The following PTPRG variants were observed in gnomAD, a reference collection of about 807,000 sequenced individuals.
The protein encoded by PTPRG is protein tyrosine phosphatase receptor type G.
Under a neutral mutation model 165.3 loss-of-function variants are expected in PTPRG, and 102 were observed. The ratio of observed to expected loss-of-function variants is 0.62; its 90% CI spans 0.53 to 0.73. The LOEUF (loss-of-function observed/expected upper bound fraction) is 0.73, where lower values mean the gene tolerates loss of function less well. PTPRG is among the 30% of genes least tolerant of loss of function. The pLI, the probability that PTPRG is intolerant of heterozygous loss-of-function variation, is 0.00. For synonymous variants in PTPRG, 675 were observed against 669.5 expected, an observed-to-expected ratio of 1.01 and a Z score of -0.13; for missense variants, 1,866 against 1,861.4, an observed-to-expected ratio of 1.00 and a Z score of -0.05.
At chr3:61,562,395 A>T in intron 1 of PTPRG, 23 bp downstream of exon 1, 4 of 1,609,506 alleles carry the variant, frequency 2.5e-6, no homozygotes, top group Non-Finnish European at 3.4e-6. Context: ...CGCCGAGGGG[A>T]TGCGGCCCCG....
chr3:61,759,511 C>T (rs974208482), intron 2 of PTPRG, among the ~76,000 whole-genome samples: 6 of 151,846 alleles, frequency 4.0e-5, no homozygotes, highest in Non-Finnish European at 7.4e-5. Flanking sequence ...AAAAAATTAG[C>T]TGGGCATGGT....
chr3:62,052,785 C>T (rs1211167802), intron 4 of PTPRG, among the ~76,000 whole-genome samples: 1 of 152,080 alleles, frequency 6.6e-6, no homozygotes, highest in Non-Finnish European at 1.5e-5. Flanking sequence ...TTCCTTGTTA[C>T]TTGACTTTAA....
intron 1 of PTPRG, among the ~76,000 whole-genome samples, chr3:61,583,134 T>G (rs2106801890): frequency 6.6e-6 from 1 of 152,322 alleles, no homozygotes; most frequent in South Asian, 2.1e-4. Context: ...CCTTGTATCT[T>G]AGGTGCTTCC....
intron 5 of PTPRG, among the ~76,000 whole-genome samples, chr3:62,107,047 G>T (rs1462693319): frequency 1.3e-5 from 2 of 152,184 alleles, no homozygotes; most frequent in Non-Finnish European, 2.9e-5. Flanking sequence ...TTTTGAACCA[G>T]GATCTCTCTC....
intron 1 of PTPRG, among the ~76,000 whole-genome samples, chr3:61,717,466 AAGG>A (rs1407500909): frequency 5.3e-5 from 8 of 152,194 alleles, no homozygotes; most frequent in African/African-American, 1.9e-4. Context: ...TTTTTACTTG[AAGG>A]AGAACTAGTA....
In PTPRG at chr3:62,205,638, A is replaced by G. The variant is rs189736103; in HGVS notation, c.2155+1688A>G. Among the ~76,000 whole-genome samples the G allele has an allele frequency of 2.7e-3, 412 of 152,282 alleles. 1 individual carries two copies. The highest frequency in any genetic ancestry group is 9.6e-3 in the African/African-American group (398 of 41,560). ...AGGGAGGGGAATTCTGGGCTGCAGG[A>G]ACAGCAGGTCCAGAGACCCTACAGT... is the stretch of plus-strand genomic sequence containing the variant. On this transcript the variant is annotated intron_variant, in intron 12 of 29. Transcript: ENST00000474889.
chr3:62,226,957 A>G (rs964255527), intron 13 of PTPRG, among the ~76,000 whole-genome samples: 2 of 152,202 alleles, frequency 1.3e-5, no homozygotes, highest in African/African-American at 2.4e-5. Flanking sequence ...TTTTGTTGAC[A>G]TTGCAATTTT....
intron 2 of PTPRG, among the ~76,000 whole-genome samples, chr3:61,791,606 GCCTC>G (rs2034874475): frequency 6.6e-6 from 1 of 152,182 alleles, no homozygotes; most frequent in Non-Finnish European, 1.5e-5. Flanking sequence ...TCCTGCCTCA[GCCTC>G]CTGAGTAGCT....
chr3:62,223,464 G>A (rs772089577), intron 13 of PTPRG, among the ~76,000 whole-genome samples: 3 of 152,138 alleles, frequency 2.0e-5, no homozygotes, highest in Non-Finnish European at 2.9e-5. Context: ...TTGTGCATTC[G>A]TGGTATTAAA....
At position 62,191,455 on chromosome 3, in the gene PTPRG, C is replaced by G. The variant is rs772867538; in HGVS notation, c.1034-14C>G. 124 of 1,612,124 alleles carry G rather than the reference C, an allele frequency of 7.7e-5. No individual in the cohort carries two copies. Among genetic ancestry groups the G allele is most frequent in the Non-Finnish European group, 9.8e-5 (115 of 1,179,396 alleles). On this transcript the variant is annotated splice_polypyrimidine_tract_variant and intron_variant, in intron 8 of 29. Coordinates refer to ENST00000474889, the MANE Select transcript of PTPRG (RefSeq NM_002841.4). ...TTCTGAAAGCTCCCTGAGCTGAGCC[C>G]TGTGTATCTTCAGTTTGCAGCTCTC...
At chr3:61,761,832 G>C (rs1390578443) in intron 2 of PTPRG, among the ~76,000 whole-genome samples, 1 of 152,158 alleles carries the variant, frequency 6.6e-6, no homozygotes, top group Non-Finnish European at 1.5e-5. Flanking sequence ...TGCTCCCAAA[G>C]GCATCATTTA....
intron 2 of PTPRG, among the ~76,000 whole-genome samples, chr3:61,851,759 A>G (rs1396453021): frequency 6.6e-6 from 1 of 152,178 alleles, no homozygotes; most frequent in Non-Finnish European, 1.5e-5. Context: ...TGAGAGAGAC[A>G]TATTCTGATT....
At chr3:62,187,980 G>C (rs1170020560) in intron 8 of PTPRG, among the ~76,000 whole-genome samples, 1 of 152,148 alleles carries the variant, frequency 6.6e-6, no homozygotes, top group African/African-American at 2.4e-5. Context: ...TTAATACATT[G>C]AGACAGTGAG....
intron 2 of PTPRG, among the ~76,000 whole-genome samples, chr3:61,841,026 C>T (rs2036616735): frequency 6.6e-6 from 1 of 152,144 alleles, no homozygotes; most frequent in Non-Finnish European, 1.5e-5. Context: ...AAGTGATCCA[C>T]TGGCCTTGGC....
intron 2 of PTPRG, among the ~76,000 whole-genome samples, chr3:61,935,124 C>T (rs1331519293): frequency 6.6e-6 from 1 of 152,120 alleles, no homozygotes; most frequent in African/African-American, 2.4e-5. Context: ...CCCCCATCTC[C>T]GCCTCTCCCT....
chr3:61,563,146 GTTTCGGCGGCCGGGGCGGT>G (rs1699808695), intron 1 of PTPRG, among the ~76,000 whole-genome samples: 1 of 15,886 alleles, frequency 6.3e-5, no homozygotes, highest in African/African-American at 1.3e-4. Context: ...GGCGGGGGCG[GTTTCGGCGGCCGGGGCGGT>G]TTCGGCGGCC....
At chr3:62,012,659 G>A (rs971594734) in intron 4 of PTPRG, among the ~76,000 whole-genome samples, 6 of 152,024 alleles carry the variant, frequency 3.9e-5, no homozygotes, top group Non-Finnish European at 7.4e-5. Context: ...ATTGCAACCC[G>A]TCACGTGAGG....
chr3:61,870,820 C>T (rs963188163), intron 2 of PTPRG, among the ~76,000 whole-genome samples: 54 of 151,968 alleles, frequency 3.6e-4, no homozygotes, highest in Non-Finnish European at 6.0e-4. Context: ...ATAATAACTG[C>T]GTCATACTAG....
At chr3:62,189,616 C>G (rs1699755834) in intron 8 of PTPRG, among the ~76,000 whole-genome samples, 2 of 152,290 alleles carry the variant, frequency 1.3e-5, no homozygotes, top group East Asian at 3.9e-4. Context: ...GTTTTACCTC[C>G]TAACTGTAAG....
Sources: allele counts gnomAD v4.1 joint callset (sites outside exome capture counted in the v4.1 genomes callset), GRCh38; gene constraint gnomAD v4.1.1; transcripts MANE v1.5; gene names NCBI Gene and HGNC (gene_info 2026-07-23, HGNC 2026-07-21).